ZNF787: variants seen among roughly 807,000 people sequenced by gnomAD.
ZNF787 encodes the protein TTF-I-interacting peptide 20.
Under a neutral mutation model 16.9 loss-of-function variants are expected in ZNF787, and 7 were observed. The ratio of observed to expected loss-of-function variants is 0.42; its 90% confidence interval spans 0.24 to 0.78. The LOEUF is 0.78. ZNF787 is among the 30% of genes least tolerant of loss of function. The pLI is 0.30. For missense variants in ZNF787, 551 were observed against 589.3 expected (o/e 0.94, Z 0.67); for synonymous variants, 345 against 270.9 (o/e 1.27, Z -2.69).
At chr19:56,101,072 C>A (rs1443195234) in intron 2 of ZNF787, among the ~76,000 whole-genome samples, 3 of 147,700 alleles carry the variant, frequency 2.0e-5, no homozygotes, top group African/African-American at 7.6e-5. Context: ...TAAGTGGGAC[C>A]CCACATGCTA....
Position 56,119,404 on chromosome 19 carries a change from C to T in ZNF787, c.-11+1768G>A, listed in dbSNP as rs573537032. 1.6e-4 allele frequency among the ~76,000 whole-genome samples: 24 copies of T among 152,332 alleles called. 1 individual carries two copies. The highest frequency in any genetic ancestry group is 9.1e-4 in the Admixed American group (14 of 15,304). ...GGTCACAGAAGTGGAAGAGACAGTG[C>T]CAAGGCCAAGGCCCAGGAAAGGGCC... is the stretch of plus-strand genomic sequence containing the variant. On this transcript the variant is annotated intron_variant, in intron 1 of 2. Transcript: ENST00000610935.
intron 1 of ZNF787, among the ~76,000 whole-genome samples, chr19:56,118,515 C>A (rs1042285847): frequency 3.3e-5 from 5 of 152,200 alleles, no homozygotes; most frequent in Non-Finnish European, 7.4e-5. Flanking sequence ...TCTGAAGCTG[C>A]TGGGGGCCTT....
chr19:56,120,017 C>A (rs2030242513), intron 1 of ZNF787, among the ~76,000 whole-genome samples: 1 of 152,228 alleles, frequency 6.6e-6, no homozygotes, highest in Admixed American at 6.5e-5. Flanking sequence ...AAGCCCTGAC[C>A]ATCCCCCGGA....
chr19:56,087,808 G>T lies in ZNF787; in HGVS notation c.*215C>A. 1 of 729,774 alleles carries T rather than the reference G, an allele frequency of 1.4e-6. No homozygotes were observed. The highest frequency in any genetic ancestry group is 1.9e-6 in the Non-Finnish European group (1 of 536,728). The allele number at this position is 729,774 out of a possible 1,614,324, so 45.2% of individuals were successfully genotyped here. ...TAACTTAGGAAGGGCGGGCCAGGCTGAGGGGGCAGAGTCTCGAGGCGGAGA... is the reference window on the plus strand; with the variant it reads ...TAACTTAGGAAGGGCGGGCCAGGCTTAGGGGGCAGAGTCTCGAGGCGGAGA... On this transcript the variant is annotated 3_prime_UTR_variant, in exon 3 of 3. Coordinates refer to ENST00000610935, the MANE Select transcript of ZNF787 (RefSeq NM_001002836.4).
intron 2 of ZNF787, among the ~76,000 whole-genome samples, chr19:56,092,007 AAAGCCGAAACCGAAGCCG>A (rs797009038): frequency 1.1e-4 from 14 of 127,278 alleles, no homozygotes; most frequent in African/African-American, 3.9e-4. Flanking sequence ...AACGGAAGCC[AAAGCCGAAACCGAAGCCG>A]AAGCCGAAGC....
intron 2 of ZNF787, among the ~76,000 whole-genome samples, chr19:56,090,437 C>T (rs1242435339): frequency 6.6e-6 from 1 of 152,114 alleles, no homozygotes; most frequent in Non-Finnish European, 1.5e-5. Context: ...ATCCCCCACC[C>T]ACAGGCAGCA....
chr19:56,093,024 G>A (rs1985705935), intron 2 of ZNF787, among the ~76,000 whole-genome samples: 1 of 151,036 alleles, frequency 6.6e-6, no homozygotes. Context: ...GGCGGAAGTG[G>A]GCTACCCCAT....
chr19:56,113,800 G>A (rs1450557467), intron 1 of ZNF787, among the ~76,000 whole-genome samples: 6 of 152,242 alleles, frequency 3.9e-5, no homozygotes, highest in Middle Eastern at 3.4e-3. Context: ...GTAAATCAGT[G>A]AATACACTAA....
chr19:56,102,919 A>G (rs1444659061), intron 2 of ZNF787: 1 of 707,342 alleles, frequency 1.4e-6, no homozygotes, highest in African/African-American at 1.7e-5. Flanking sequence ...GGGGTCCCCA[A>G]GATCATCCAG....
intron 1 of ZNF787, among the ~76,000 whole-genome samples, chr19:56,115,719 A>G (rs1259476954): frequency 6.6e-6 from 1 of 152,028 alleles, no homozygotes; most frequent in African/African-American, 2.4e-5. Flanking sequence ...CAGCGACGGC[A>G]GAGACAGCTC....
intron 1 of ZNF787, among the ~76,000 whole-genome samples, chr19:56,119,560 A>G (rs1286971764): frequency 6.6e-6 from 1 of 152,206 alleles, no homozygotes; most frequent in Non-Finnish European, 1.5e-5. Context: ...GTCCTGGTGG[A>G]AAGTAAGGCA....
In ZNF787 at chr19:56,087,986, GAGGGGCCCTGCCCGCC is replaced by G. The variant is rs1985372168; in HGVS notation, c.*21_*36del. On this transcript the variant is annotated 3_prime_UTR_variant, in exon 3 of 3. Coordinates refer to ENST00000610935, the MANE Select transcript of ZNF787 (RefSeq NM_001002836.4). Reference sequence around the variant, plus strand: ...GCACGTCGTCGCTCCCGCCAAGCCCGAGGGGCCCTGCCCGCCCCCCCCCCCGGGCCCCTCCCCTACC... The same window carrying G: ...GCACGTCGTCGCTCCCGCCAAGCCCGCCCCCCCCCGGGCCCCTCCCCTACC... The G allele has an allele frequency of 2.3e-6, 3 of 1,292,080 alleles. No individual in the cohort carries two copies. The highest frequency in any genetic ancestry group is 2.9e-6 in the Non-Finnish European group (3 of 1,025,146). The allele number at this position is 1,292,080 out of a possible 1,614,324, so 80.0% of individuals were successfully genotyped here. A position where few individuals can be genotyped will look rare whatever the true frequency, so the allele number is the denominator to read the frequency against.
At position 56,118,746 on chromosome 19, in the gene ZNF787, A is replaced by G. The variant is rs966354868; in HGVS notation, c.-11+2426T>C. ...CACTAGGCTGGAGGCCTCAGGATGC[A>G]CCAGAGGACACACGAACGAGGTTTG... is the stretch of plus-strand genomic sequence containing the variant. On this transcript the variant is annotated intron_variant, in intron 1 of 2. Coordinates refer to ENST00000610935, the MANE Select transcript of ZNF787 (RefSeq NM_001002836.4). Among the ~76,000 whole-genome samples, 5 of 152,280 alleles carry G rather than the reference A, an allele frequency of 3.3e-5. No individual in the cohort carries two copies. In the South Asian group the frequency reaches 8.3e-4, roughly 25 times the overall value.
In ZNF787 at chr19:56,088,066, G is replaced by GCGGCCTCGTCGTCGT; in HGVS notation, c.1091_1105dup (p.Asp364_Ala368dup). The GCGGCCTCGTCGTCGT allele has an allele frequency of 8.2e-7, 1 of 1,226,346 alleles. No individual in the cohort carries two copies. The highest frequency in any genetic ancestry group is 4.5e-5 in the East Asian group (1 of 22,100). The allele number at this position is 1,226,346 out of a possible 1,614,324, so 76.0% of individuals were successfully genotyped here. A position where few individuals can be genotyped will look rare whatever the true frequency, so the allele number is the denominator to read the frequency against. On this transcript the variant is annotated inframe_insertion, in exon 3 of 3. Transcript: ENST00000610935. This position sits in a 1 kb window ranked among gnomAD's most constrained non-coding sequence, Gnocchi z 8.6. ...GCGGCACTCGGGGCACCGCCCGCCC[G>GCGGCCTCGTCGTCGT]CGGCCTCGTCGTCGTCGTCCTCCTC...
At chr19:56,112,312 C>G (rs1037583326) in intron 1 of ZNF787, among the ~76,000 whole-genome samples, 3 of 152,174 alleles carry the variant, frequency 2.0e-5, no homozygotes, top group African/African-American at 7.2e-5. Flanking sequence ...TTACCAGCCT[C>G]CGTTTCTCAG....
At chr19:56,106,374 T>C (rs1052574992) in intron 1 of ZNF787, among the ~76,000 whole-genome samples, 1 of 152,190 alleles carries the variant, frequency 6.6e-6, no homozygotes, top group Non-Finnish European at 1.5e-5. Context: ...CAGCGGGCAT[T>C]GTGTATACTC....
At chr19:56,093,346 T>C (rs1985737101) in intron 2 of ZNF787, among the ~76,000 whole-genome samples, 1 of 152,092 alleles carries the variant, frequency 6.6e-6, no homozygotes, top group African/African-American at 2.4e-5. Context: ...ACGCAGGAGA[T>C]GGCGGAACTG....
intron 2 of ZNF787, among the ~76,000 whole-genome samples, chr19:56,093,478 C>CA (rs1985742560): frequency 6.6e-6 from 1 of 152,140 alleles, no homozygotes; most frequent in African/African-American, 2.4e-5. Context: ...TCCTTCCCCT[C>CA]AGTGTTTTCT....
intron 1 of ZNF787, among the ~76,000 whole-genome samples, chr19:56,112,338 C>T (rs1226870470): frequency 1.3e-5 from 2 of 152,192 alleles, no homozygotes; most frequent in South Asian, 2.1e-4. Flanking sequence ...GTCTCAGGCT[C>T]TCCCAGCCTC....
Sources: gnomAD v4.1 joint callset for allele counts (sites outside exome capture counted in the v4.1 genomes callset) on GRCh38, gnomAD v4.1.1 for gene constraint, Gnocchi (gnomAD v3.1) non-coding constraint, MANE v1.5 for transcripts, NCBI Gene and HGNC (gene_info 2026-07-23, HGNC 2026-07-21) for gene names.